TMEM217B: variants seen among roughly 807,000 people sequenced by gnomAD.
The protein encoded by TMEM217B is putative transmembrane protein 217B.
At chr6:37,213,711 G>A in the TMEM217B span, among the ~76,000 whole-genome samples, 1 of 152,234 alleles carries the variant, frequency 6.6e-6, no homozygotes, top group African/African-American at 2.4e-5. Flanking sequence ...CCTGGTGCCC[G>A]AGCCGACCCT....
the TMEM217B span, among the ~76,000 whole-genome samples, chr6:37,240,309 A>G: frequency 6.6e-6 from 1 of 152,214 alleles, no homozygotes; most frequent in Non-Finnish European, 1.5e-5. Context: ...GCTGGGGGCC[A>G]TCTAAAGGCT....
At chr6:37,246,562 T>C in the TMEM217B span, among the ~76,000 whole-genome samples, 1 of 152,222 alleles carries the variant, frequency 6.6e-6, no homozygotes, top group Admixed American at 6.5e-5. Context: ...ATCTGGCTTC[T>C]GACCCTGCTG....
the TMEM217B span, among the ~76,000 whole-genome samples, chr6:37,234,714 C>T: frequency 4.0e-4 from 61 of 151,688 alleles, no homozygotes; most frequent in African/African-American, 1.1e-3. Flanking sequence ...CCAGCCTAGG[C>T]GACAGAGTGA....
chr6:37,219,045 T>C, the TMEM217B span: 1 of 1,606,456 alleles, frequency 6.2e-7, no homozygotes, highest in South Asian at 1.1e-5. Flanking sequence ...AGACCTCCTG[T>C]GAAGACAAAC....
chr6:37,220,924 G>A, the TMEM217B span, among the ~76,000 whole-genome samples: 1 of 151,788 alleles, frequency 6.6e-6, no homozygotes, highest in African/African-American at 2.4e-5. Flanking sequence ...TATAATTCAT[G>A]CATATATAAT....
chr6:37,249,103 T>C, the TMEM217B span, among the ~76,000 whole-genome samples: 1 of 152,188 alleles, frequency 6.6e-6, no homozygotes, highest in East Asian at 1.9e-4. Context: ...CAGTCCAAGA[T>C]GATCTCATCT....
At chr6:37,242,062 T>C in the TMEM217B span, among the ~76,000 whole-genome samples, 1 of 148,886 alleles carries the variant, frequency 6.7e-6, no homozygotes, top group Admixed American at 6.7e-5. Flanking sequence ...TGGAGTCACA[T>C]AGAACCCCCT....
chr6:37,215,103 G>A, the TMEM217B span: 9,802 of 1,519,228 alleles, frequency 6.5e-3, 111 homozygotes, highest in Middle Eastern at 0.031. Context: ...CTCCACCCTC[G>A]GCACCTCTCT....
the TMEM217B span, among the ~76,000 whole-genome samples, chr6:37,213,973 G>A: frequency 6.6e-6 from 1 of 152,204 alleles, no homozygotes; most frequent in Non-Finnish European, 1.5e-5. Flanking sequence ...GGGACAACTT[G>A]TTGGAAGCCT....
chr6:37,218,624 G>C, the TMEM217B span: 1 of 1,614,182 alleles, frequency 6.2e-7, no homozygotes, highest in South Asian at 1.1e-5. Flanking sequence ...GTGCATGACT[G>C]TACGAGACAC....
the TMEM217B span, among the ~76,000 whole-genome samples, chr6:37,230,398 G>C: frequency 6.6e-6 from 1 of 152,174 alleles, no homozygotes; most frequent in East Asian, 1.9e-4. Flanking sequence ...CTCGTCACCA[G>C]GGATTTCAAT....
the TMEM217B span, among the ~76,000 whole-genome samples, chr6:37,238,798 G>A: frequency 6.6e-6 from 1 of 152,204 alleles, no homozygotes; most frequent in African/African-American, 2.4e-5. Flanking sequence ...TACTCTTGAG[G>A]TTGAGTATTC....
chr6:37,217,932 A>G, the TMEM217B span: 1 of 986,216 alleles, frequency 1.0e-6, no homozygotes, highest in Non-Finnish European at 1.2e-6. Flanking sequence ...TTGATAAATC[A>G]CAATATCCTT....
chr6:37,217,561 T>C, the TMEM217B span: 2 of 855,926 alleles, frequency 2.3e-6, no homozygotes. Flanking sequence ...GTTTAACATA[T>C]ATCTTTGATT....
the TMEM217B span, among the ~76,000 whole-genome samples, chr6:37,243,494 C>T: frequency 6.6e-6 from 1 of 152,180 alleles, no homozygotes; most frequent in Non-Finnish European, 1.5e-5. Flanking sequence ...GACCATGACA[C>T]TGCAGTAAAG....
At chr6:37,235,426 T>C in the TMEM217B span, among the ~76,000 whole-genome samples, 2 of 152,154 alleles carry the variant, frequency 1.3e-5, no homozygotes, top group South Asian at 2.1e-4. Flanking sequence ...AGTGCAGTGG[T>C]GCCATCTCGG....
chr6:37,229,008 A>G, the TMEM217B span, among the ~76,000 whole-genome samples: 1 of 151,902 alleles, frequency 6.6e-6, no homozygotes, highest in Non-Finnish European at 1.5e-5. Context: ...AAAAAAAAAC[A>G]AAAAACAAAA....
At chr6:37,212,815 G>A in the TMEM217B span, 2 of 856,540 alleles carry the variant, frequency 2.3e-6, no homozygotes, top group African/African-American at 3.3e-5. Flanking sequence ...GTGGAACAGG[G>A]TCCAAGTGAC....
the TMEM217B span, among the ~76,000 whole-genome samples, chr6:37,245,892 C>T: frequency 2.6e-5 from 4 of 151,774 alleles, 1 homozygote; most frequent in African/African-American, 4.8e-5. Context: ...CTCTGCCTCC[C>T]GGGTTCAAGC....
Sources: gnomAD v4.1 joint callset for allele counts (sites outside exome capture counted in the v4.1 genomes callset) on GRCh38, gnomAD v4.1.1 for gene constraint, MANE v1.5 for transcripts, NCBI Gene and HGNC (gene_info 2026-07-23, HGNC 2026-07-21) for gene names.